Variants in CERCAM observed in about 807,000 individuals in gnomAD.
The protein encoded by CERCAM is inactive glycosyltransferase 25 family member 3.
CERCAM carries 59 observed loss-of-function variants against 66.0 expected under a neutral mutation model. That is an observed-to-expected ratio of 0.89 (90% CI 0.73 to 1.11). CERCAM has a LOEUF of 1.11. Among genes scored for constraint, CERCAM ranks in the 50% most tolerant of loss-of-function variants. The pLI is 0.00. For synonymous variants in CERCAM, 318 were observed against 343.6 expected (o/e 0.93, Z 0.83); for missense variants, 840 against 828.3 (o/e 1.01, Z -0.17).
Position 128,424,423 on chromosome 9 carries a change from G to A in CERCAM, c.575G>A (p.Arg192His), listed in dbSNP as rs1453902081. The change falls in exon 5 of 13, where the codon CGC becomes CAC. Residue 192 changes from arginine (R) to histidine (H), a missense_variant. Physicochemically the swap from Arg to His is conservative, Grantham distance 29. Coordinates refer to ENST00000372838, the MANE Select transcript of CERCAM (RefSeq NM_016174.5). ...CCTTTTCCCCAGGGCTACTACCGCCGCACAGCCGAGTACTTCCCCACCAAG... is the reference window on the plus strand; with the variant it reads ...CCTTTTCCCCAGGGCTACTACCGCCACACAGCCGAGTACTTCCCCACCAAG... ...CGITPQGYYR[R>H]TAEYFPTKNR... The A allele has an allele frequency of 5.0e-6, 8 of 1,613,910 alleles. 1 individual carries two copies. Among genetic ancestry groups the A allele is most frequent in the African/African-American group, 4.0e-5 (3 of 75,028 alleles).
chr9:128,425,628 C>T (rs1460050141), intron 5 of CERCAM, among the ~76,000 whole-genome samples: 1 of 151,858 alleles, frequency 6.6e-6, no homozygotes, highest in East Asian at 1.9e-4. Context: ...TCTCCTGCCT[C>T]AGCCTCCCGA....
intron 5 of CERCAM, 96 bp from the exon 6 acceptor site, chr9:128,428,206 A>G: frequency 7.0e-7 from 1 of 1,422,772 alleles, no homozygotes; most frequent in Non-Finnish European, 9.5e-7. Context: ...GAAGACTGAC[A>G]TGTTGGGTCA....
Position 128,420,938 on chromosome 9 carries a change from G to C in CERCAM, c.61G>C (p.Glu21Gln). The C allele has an allele frequency of 6.9e-7, 1 of 1,450,372 alleles. No individual in the cohort carries two copies. 89.8% of individuals were successfully genotyped at this position (1,450,372 alleles called of 1,614,324 possible). Residue 21 changes from glutamate to glutamine, a missense_variant, in exon 1 of 13, where the codon GAG becomes CAG. By Grantham distance (29) the Glu-to-Gln change is conservative. Transcript: ENST00000372838. This position sits in a 1 kb window ranked among gnomAD's most constrained non-coding sequence, Gnocchi z 5.0. ...GCTGCTCCTGCTGGGGCCGTGGCTGGAGGCTGCGGGCGTTGCGGAGTCGCC... is the reference window on the plus strand; with the variant it reads ...GCTGCTCCTGCTGGGGCCGTGGCTGCAGGCTGCGGGCGTTGCGGAGTCGCC... ...QLLLLLGPWL[E>Q]AAGVAESPLP...
intron 9 of CERCAM, among the ~76,000 whole-genome samples, chr9:128,432,558 G>A (rs975714829): frequency 1.3e-5 from 2 of 150,366 alleles, no homozygotes; most frequent in African/African-American, 2.4e-5. Flanking sequence ...GCTAAATTTT[G>A]TATTTTTTGT....
Position 128,428,230 on chromosome 9 carries a change from G to C in CERCAM, c.767-72G>C. The C allele has an allele frequency of 3.8e-6, 6 of 1,568,020 alleles. 1 individual carries two copies. The highest frequency in any genetic ancestry group is 3.6e-5 in the Admixed American group (2 of 55,944). On this transcript the variant is annotated intron_variant, in intron 5 of 12. Transcript: ENST00000372838. ...CATGTTGGGTCACTGGCAGTGCTGG[G>C]CCTAGGACCTTTCAGCTGGGTTCTG...
upstream of CERCAM, chr9:128,419,485 T>C (rs1458203287): frequency 6.6e-6 from 1 of 152,290 alleles, no homozygotes; most frequent in Non-Finnish European, 1.5e-5. Flanking sequence ...GGCGGAGCTC[T>C]TCCTGTGTGT....
intron 12 of CERCAM, among the ~76,000 whole-genome samples, chr9:128,436,398 C>T (rs539173490): frequency 1.2e-4 from 18 of 152,304 alleles, no homozygotes; most frequent in Middle Eastern, 3.4e-3. Context: ...CAGGCGCCCA[C>T]CACCACGTCC....
At position 128,434,413 on chromosome 9, in the gene CERCAM, C is replaced by T. The variant is rs1217282628; in HGVS notation, c.1335C>T (p.Tyr445=). The T allele has an allele frequency of 1.9e-6, 3 of 1,613,948 alleles. No homozygotes were observed. The Admixed American group carries it at 5.0e-5, about 27-fold the overall frequency. ...EAEKLSWDLI[Y]LGRKQVNPEK... ...GGCCCCTTGGTGTCACTTACAGCTA[C>T]CTCGGACGGAAGCAGGTGAACCCTG... Residue 445 remains tyrosine, a synonymous_variant, in exon 11 of 13, where the codon TAC becomes TAT. Coordinates refer to ENST00000372838, the MANE Select transcript of CERCAM (RefSeq NM_016174.5). This position sits in a 1 kb window ranked among gnomAD's most constrained non-coding sequence, Gnocchi z 4.5.
rs530770667 is a variant in CERCAM at position 128,420,980 on chromosome 9, C to T, written c.103C>T (p.Leu35Phe). 2 of 1,469,734 alleles carry T rather than the reference C, an allele frequency of 1.4e-6. No individual in the cohort carries two copies. The highest frequency in any genetic ancestry group is 3.0e-5 in the East Asian group (1 of 33,518). The allele number at this position is 1,469,734 out of a possible 1,614,324, so 91.0% of individuals were successfully genotyped here. A position where few individuals can be genotyped will look rare whatever the true frequency, so the allele number is the denominator to read the frequency against. ...GGAGTCGCCGCTGCCCGCCGTGGTC[C>T]TTGCCATCCTGGCCCGCAATGCCGA... ...VAESPLPAVVLAILARNAEHS... is the reference protein window; with the variant it reads ...VAESPLPAVVFAILARNAEHS... Residue 35 changes from leucine (L) to phenylalanine (F), a missense_variant, in exon 1 of 13, where the codon CTT (leucine) becomes TTT (phenylalanine). By Grantham distance (22) the Leu-to-Phe change is conservative. Transcript: ENST00000372838. This position sits in a 1 kb window ranked among gnomAD's most constrained non-coding sequence, Gnocchi z 5.0.
chr9:128,423,415 G>T (rs1281026180), intron 3 of CERCAM, 152 bp downstream of exon 3: 3 of 651,700 alleles, frequency 4.6e-6, no homozygotes, highest in African/African-American at 1.8e-5. Flanking sequence ...TCAGAAGTTC[G>T]AGACCAGCCT....
chr9:128,424,438 T>A lies in CERCAM; in HGVS notation c.590T>A (p.Phe197Tyr). Residue 197 changes from phenylalanine (F) to tyrosine (Y), a missense_variant, in exon 5 of 13, where the codon TTC (phenylalanine) becomes TAC (tyrosine). Physicochemically the swap from Phe to Tyr is conservative, Grantham distance 22. Coordinates refer to ENST00000372838, the MANE Select transcript of CERCAM (RefSeq NM_016174.5). ...QGYYRRTAEY[F>Y]PTKNRQRRGC... Reference sequence around the variant, plus strand: ...TACTACCGCCGCACAGCCGAGTACTTCCCCACCAAGAACCGCCAGCGCCGG... The same window carrying A: ...TACTACCGCCGCACAGCCGAGTACTACCCCACCAAGAACCGCCAGCGCCGG... 2 of 1,613,854 alleles carry A rather than the reference T, an allele frequency of 1.2e-6. No homozygotes were observed. Among genetic ancestry groups the A allele is most frequent in the South Asian group, 1.1e-5 (1 of 91,060 alleles).
rs778701200 is a variant in CERCAM at position 128,424,420 on chromosome 9, G to A, written c.572G>A (p.Arg191His). ...WCGITPQGYY[R>H]RTAEYFPTKN... ...ATCCCTTTTCCCCAGGGCTACTACC[G>A]CCGCACAGCCGAGTACTTCCCCACC... Residue 191 changes from arginine to histidine, a missense_variant, in exon 5 of 13, where the codon CGC becomes CAC. Physicochemically the swap from Arg to His is conservative, Grantham distance 29. Transcript: ENST00000372838. 2.0e-5 allele frequency: 32 copies of A among 1,613,796 alleles called. No homozygotes were observed. The highest frequency in any genetic ancestry group is 3.3e-5 in the Admixed American group (2 of 59,998).
chr9:128,435,549 G>T lies in CERCAM; in HGVS notation c.1536-104G>T, dbSNP rs1834087964. On this transcript the variant is annotated intron_variant, in intron 11 of 12. Transcript: ENST00000372838. ...GCCGCTGTGAGGACTAGATGGCGGGGAGTGAGGTGCTTTGGGCAGGCAAGG... is the reference window on the plus strand; with the variant it reads ...GCCGCTGTGAGGACTAGATGGCGGGTAGTGAGGTGCTTTGGGCAGGCAAGG... The T allele has an allele frequency of 3.1e-6, 4 of 1,278,304 alleles. No homozygotes were observed. In the East Asian group the frequency reaches 7.1e-5, roughly 23 times the overall value. 79.2% of individuals were successfully genotyped at this position (1,278,304 alleles called of 1,614,324 possible). A position where few individuals can be genotyped will look rare whatever the true frequency, so the allele number is the denominator to read the frequency against.
At chr9:128,421,543 C>T (rs988400807) in intron 1 of CERCAM, 3 of 986,510 alleles carry the variant, frequency 3.0e-6, no homozygotes, top group Non-Finnish European at 3.6e-6. Flanking sequence ...GGGCTCCGGG[C>T]TGTGCAGGGG....
intron 5 of CERCAM, 62 bp downstream of exon 5, chr9:128,424,676 C>T: frequency 6.8e-7 from 1 of 1,471,932 alleles, no homozygotes; most frequent in African/African-American, 1.4e-5. Flanking sequence ...CATGCTATTC[C>T]AGCTGCTTAC....
rs1246221410 is a variant in CERCAM, at chr9:128,424,557, A to AACTACACTTG, written c.710_719dup (p.Trp240Ter). ...GCTTGCTTTCTACCCGCCACATCCC[A>AACTACACTTG]ACTACACTTGGCCTTTCGACGACAT... On this transcript the variant is annotated stop_gained and frameshift_variant, in exon 5 of 13. Coordinates refer to ENST00000372838, the MANE Select transcript of CERCAM (RefSeq NM_016174.5). LOFTEE classifies it high-confidence loss of function. 2.5e-6 allele frequency: 4 copies of AACTACACTTG among 1,613,966 alleles called. No homozygotes were observed. Among genetic ancestry groups the AACTACACTTG allele is most frequent in the Non-Finnish European group, 3.4e-6 (4 of 1,180,030 alleles).
chr9:128,428,379 G>T lies in CERCAM; in HGVS notation c.844G>T (p.Asp282Tyr). 6.2e-7 allele frequency: 1 copy of T among 1,614,198 alleles called. No individual in the cohort carries two copies. Among genetic ancestry groups the T allele is most frequent in the Non-Finnish European group, 8.5e-7 (1 of 1,180,036 alleles). Residue 282 changes from aspartate to tyrosine, a missense_variant, in exon 6 of 13, where the codon GAC becomes TAC. Transcript: ENST00000372838. ...VPVKSHQGLE[D>Y]ERVNFIHLIL... is the part of the protein sequence containing the mutation. ...GGTGAAATCCCACCAGGGGCTGGAAGACGAGAGGGTCAACTTCATCCACCT... is the reference window on the plus strand; with the variant it reads ...GGTGAAATCCCACCAGGGGCTGGAATACGAGAGGGTCAACTTCATCCACCT...
chr9:128,424,966 A>C (rs925558653), intron 5 of CERCAM, among the ~76,000 whole-genome samples: 1 of 150,022 alleles, frequency 6.7e-6, no homozygotes, highest in Non-Finnish European at 1.5e-5. Flanking sequence ...CAGGTGATCC[A>C]CCCGCCTCGG....
chr9:128,434,064 C>T lies in CERCAM; in HGVS notation c.1204-38C>T. ...GCGTGGAGGGAGGGGGGTTGTTTAACTCCGAAGAGCCATCTCCCACCCCAT... is the reference window on the plus strand; with the variant it reads ...GCGTGGAGGGAGGGGGGTTGTTTAATTCCGAAGAGCCATCTCCCACCCCAT... On this transcript the variant is annotated intron_variant, in intron 9 of 12. Transcript: ENST00000372838. The surrounding 1 kb of genome is among the most constrained non-coding windows in gnomAD (Gnocchi z 4.5). The T allele has an allele frequency of 6.2e-7, 1 of 1,610,006 alleles. No individual in the cohort carries two copies. Among genetic ancestry groups the T allele is most frequent in the Non-Finnish European group, 8.5e-7 (1 of 1,177,856 alleles).
Sources: allele counts gnomAD v4.1 joint callset (sites outside exome capture counted in the v4.1 genomes callset), GRCh38; gene constraint gnomAD v4.1.1; non-coding constraint Gnocchi (gnomAD v3.1); transcripts MANE v1.5; gene names NCBI Gene and HGNC (gene_info 2026-07-23, HGNC 2026-07-21).